NSMAF: variants seen among roughly 807,000 people sequenced by gnomAD.
The protein encoded by NSMAF is protein FAN.
NSMAF carries 90 observed loss-of-function variants against 134.9 expected under a neutral mutation model. That is an observed-to-expected ratio of 0.67 (90% CI 0.56 to 0.79). The LOEUF (loss-of-function observed/expected upper bound fraction) is 0.79. Ranked by LOEUF, NSMAF falls within the 30% of genes least tolerant of loss-of-function variation. The pLI, the probability that NSMAF is intolerant of heterozygous loss-of-function variation, is 0.00. For synonymous variants in NSMAF, 358 were observed against 389.6 expected (o/e 0.92, Z 0.96); for missense variants, 1,010 against 1,119.0 (o/e 0.90, Z 1.39).
At position 58,599,206 on chromosome 8, in the gene NSMAF, A is replaced by G. The variant is rs776532238; in HGVS notation, c.1585+26T>C. The G allele has an allele frequency of 4.4e-6, 7 of 1,590,320 alleles. No individual in the cohort carries two copies. The Admixed American group carries it at 8.9e-5, about 20-fold the overall frequency. On this transcript the variant is annotated intron_variant, in intron 19 of 30. Transcript: ENST00000038176. ...ATGCTAAATATTCACCCAATGCTAAATAAAATTTCAATGAATATTACATAC... is the reference window on the plus strand; with the variant it reads ...ATGCTAAATATTCACCCAATGCTAAGTAAAATTTCAATGAATATTACATAC...
intron 1 of NSMAF, chr8:58,659,136 C>T (rs2129149534): frequency 2.4e-6 from 3 of 1,262,038 alleles, no homozygotes; most frequent in Middle Eastern, 3.1e-4. Flanking sequence ...GCGCCGAGTG[C>T]CTGGACCCGA....
At chr8:58,658,995 C>T (rs531764063) in intron 1 of NSMAF, among the ~76,000 whole-genome samples, 24 of 152,158 alleles carry the variant, frequency 1.6e-4, no homozygotes, top group Non-Finnish European at 3.2e-4. Flanking sequence ...TTCCGGCGGC[C>T]CCCCTCCCAG....
chr8:58,617,769 T>C (rs1806695479), intron 9 of NSMAF, among the ~76,000 whole-genome samples: 1 of 152,210 alleles, frequency 6.6e-6, no homozygotes. Context: ...CTCAAGGATC[T>C]AGAACTAGAA....
chr8:58,589,046 A>C (rs1330035354), intron 26 of NSMAF, among the ~76,000 whole-genome samples: 2 of 151,740 alleles, frequency 1.3e-5, no homozygotes, highest in Non-Finnish European at 2.9e-5. Flanking sequence ...TAAGTAAATA[A>C]GGAAGTGTTT....
In NSMAF at chr8:58,656,762, G is replaced by A. The variant is rs533378178; in HGVS notation, c.59+2811C>T. Among the ~76,000 whole-genome samples the A allele has an allele frequency of 3.9e-5, 6 of 152,110 alleles. No homozygotes were observed. The East Asian group carries it at 7.7e-4, about 20-fold the overall frequency. Reference sequence around the variant, plus strand: ...GGAGAATGGCGTGAACCCAGGAGGCGGAGCTTGCAGTGAGCCAAGATCACG... The same window carrying A: ...GGAGAATGGCGTGAACCCAGGAGGCAGAGCTTGCAGTGAGCCAAGATCACG... On this transcript the variant is annotated intron_variant, in intron 1 of 30. Transcript: ENST00000038176.
At chr8:58,584,618 T>C (rs994820440) in intron 30 of NSMAF, among the ~76,000 whole-genome samples, 1 of 152,148 alleles carries the variant, frequency 6.6e-6, no homozygotes, top group African/African-American at 2.4e-5. Context: ...AGTTACTAAG[T>C]TGAGAACAAA....
Position 58,597,906 on chromosome 8 carries a change from A to G in NSMAF, c.1586-4T>C. The G allele has an allele frequency of 6.3e-7, 1 of 1,599,210 alleles. No individual in the cohort carries two copies. ...TCATAGGTCAGGGGATGAAATACTG[A>G]AAAAGACATACAAAACACTATTGAA... On this transcript the variant is annotated splice_region_variant and splice_polypyrimidine_tract_variant and intron_variant, in intron 19 of 30. Transcript: ENST00000038176.
At chr8:58,600,051 T>C in intron 16 of NSMAF, 30 bp from the exon 17 acceptor site, 3 of 1,560,134 alleles carry the variant, frequency 1.9e-6, no homozygotes, top group Non-Finnish European at 2.6e-6. Flanking sequence ...TCACCTATTT[T>C]CAGCTAAGGA....
chr8:58,586,145 C>G (rs1486206012), intron 28 of NSMAF, 145 bp from the exon 29 acceptor site: 18 of 732,206 alleles, frequency 2.5e-5, no homozygotes, highest in Non-Finnish European at 3.9e-5. Context: ...ACTATCCTCT[C>G]CTTGAAATGG....
chr8:58,621,703 G>A (rs552370235), intron 9 of NSMAF, among the ~76,000 whole-genome samples: 5 of 152,224 alleles, frequency 3.3e-5, no homozygotes, highest in African/African-American at 4.8e-5. Context: ...GTATCTCACC[G>A]TGCTTTTGAT....
intron 12 of NSMAF, 75 bp from the exon 13 acceptor site, chr8:58,603,461 G>T: frequency 1.4e-6 from 2 of 1,381,882 alleles, no homozygotes; most frequent in East Asian, 2.3e-5. Context: ...GGCTTAACGT[G>T]TAGACCATCC....
chr8:58,638,948 T>C (rs1807265333), intron 2 of NSMAF, among the ~76,000 whole-genome samples: 1 of 152,082 alleles, frequency 6.6e-6, no homozygotes, highest in South Asian at 2.1e-4. Context: ...AAATAGCCTA[T>C]TAAAAGACAG....
intron 26 of NSMAF, among the ~76,000 whole-genome samples, chr8:58,588,045 C>T (rs1805931252): frequency 1.3e-5 from 2 of 152,148 alleles, no homozygotes; most frequent in East Asian, 3.9e-4. Context: ...ATGTTACCCC[C>T]AAAATAACTA....
At chr8:58,623,602 A>G in intron 7 of NSMAF, 107 bp downstream of exon 7, 1 of 1,108,020 alleles carries the variant, frequency 9.0e-7, no homozygotes, top group Admixed American at 2.1e-5. Context: ...AATCTGCTAC[A>G]TATTTAGAAA....
At position 58,659,618 on chromosome 8, in the gene NSMAF, C is replaced by A. The variant is rs773130669; in HGVS notation, c.14G>T (p.Arg5Leu). Residue 5 changes from arginine (R) to leucine (L), a missense_variant, in exon 1 of 31, where the codon CGG (arginine) becomes CTG (leucine). By Grantham distance (102) the Arg-to-Leu change is moderately radical. Transcript: ENST00000038176. MAFI[R>L]KKQQEQQLQL... ...CAGCTGCTGCTCCTGCTGCTTCTTC[C>A]GGATAAACGCCATGGAGGGTAGGCG... The A allele has an allele frequency of 4.7e-6, 7 of 1,481,144 alleles. No individual in the cohort carries two copies. Among genetic ancestry groups the A allele is most frequent in the Non-Finnish European group, 5.4e-6 (6 of 1,119,410 alleles). The allele number at this position is 1,481,144 out of a possible 1,614,324, so 91.8% of individuals were successfully genotyped here. A position where few individuals can be genotyped will look rare whatever the true frequency, so the allele number is the denominator to read the frequency against.
rs771239826 is a variant in NSMAF, at chr8:58,589,989, G to GGGTGCACAGATA, written c.2087+6_2087+17dup. 2.5e-6 allele frequency: 4 copies of GGGTGCACAGATA among 1,607,602 alleles called. No homozygotes were observed. The highest frequency in any genetic ancestry group is 2.6e-6 in the Non-Finnish European group (3 of 1,174,326). ...ATTCTGCACGTCGAATCACAGAGCA[G>GGGTGCACAGATA]GGTGCACAGATACATACACATTATT... On this transcript the variant is annotated intron_variant, in intron 25 of 30. Coordinates refer to ENST00000038176, the MANE Select transcript of NSMAF (RefSeq NM_003580.4).
rs759666312 is a variant in NSMAF at position 58,584,203 on chromosome 8, G to A, written c.2660-3C>T. 8 of 1,610,736 alleles carry A rather than the reference G, an allele frequency of 5.0e-6. No homozygotes were observed. In the South Asian group the frequency reaches 5.5e-5, roughly 11 times the overall value. On this transcript the variant is annotated splice_polypyrimidine_tract_variant and splice_region_variant and intron_variant, in intron 30 of 30. Transcript: ENST00000038176. ...CATCCATATACATGTCACAGCACCT[G>A]AGAGAAAGACATTTTGGTTAGTTAG... is the stretch of plus-strand genomic sequence containing the variant.
At position 58,639,227 on chromosome 8, in the gene NSMAF, T is replaced by C. The variant is rs141283122; in HGVS notation, c.150-3681A>G. ...TGAACCCGGAAGGCAGAGGTTGCAG[T>C]GAGCAGAGATCACGCCACTGCACTT... On this transcript the variant is annotated intron_variant, in intron 2 of 30. Transcript: ENST00000038176. Among the ~76,000 whole-genome samples the C allele has an allele frequency of 5.7e-3, 861 of 151,268 alleles. 7 individuals carry two copies. Among genetic ancestry groups the C allele is most frequent in the African/African-American group, 0.02 (807 of 41,158 alleles).
chr8:58,589,782 T>C, intron 25 of NSMAF: 1 of 634,122 alleles, frequency 1.6e-6, no homozygotes, highest in South Asian at 2.8e-5. Flanking sequence ...ATCTGTTTTC[T>C]CCTCAATTTA....
Sources: allele counts gnomAD v4.1 joint callset (sites outside exome capture counted in the v4.1 genomes callset), GRCh38; gene constraint gnomAD v4.1.1; transcripts MANE v1.5; gene names NCBI Gene and HGNC (gene_info 2026-07-23, HGNC 2026-07-21).